ZNF391: variants seen among roughly 807,000 people sequenced by gnomAD.
ZNF391 encodes the protein zinc finger protein 391.
For synonymous variants in ZNF391, 126 were observed against 142.1 expected (o/e 0.89, Z 0.80); for missense variants, 375 against 425.5 (o/e 0.88, Z 1.04).
At chr6:27,380,092 T>TA (rs1258797682) in intron 1 of ZNF391, among the ~76,000 whole-genome samples, 14 of 152,198 alleles carry the variant, frequency 9.2e-5, no homozygotes, top group African/African-American at 2.9e-4. Context: ...GCCCAGGAGT[T>TA]AAAGACCAGT....
At chr6:27,395,508 G>A (rs1761805741) in intron 1 of ZNF391, among the ~76,000 whole-genome samples, 1 of 152,142 alleles carries the variant, frequency 6.6e-6, no homozygotes, top group Admixed American at 6.5e-5. Context: ...AGAACCGTGA[G>A]CGAATTAAAC....
At chr6:27,384,608 T>C (rs1425506348), upstream of ZNF391, among the ~76,000 whole-genome samples, 4 of 152,214 alleles carry the variant, frequency 2.6e-5, no homozygotes, top group African/African-American at 9.7e-5. Context: ...AACAATAATG[T>C]ATTTACTCAA....
chr6:27,397,057 A>G (rs907418046), intron 1 of ZNF391, among the ~76,000 whole-genome samples: 2 of 152,214 alleles, frequency 1.3e-5, no homozygotes, highest in African/African-American at 4.8e-5. Context: ...ACAATAAAAT[A>G]ATGTGTTAGG....
chr6:27,386,614 A>G (rs567151423), upstream of ZNF391, among the ~76,000 whole-genome samples: 1 of 152,172 alleles, frequency 6.6e-6, no homozygotes, highest in Non-Finnish European at 1.5e-5. Flanking sequence ...TATACGGTTG[A>G]TTGATTGATT....
chr6:27,401,043 G>T lies in ZNF391; in HGVS notation c.673G>T (p.Glu225Ter). Residue 225 changes from glutamate to a stop codon, truncating the protein, a stop_gained, in exon 3 of 3, where the codon GAA becomes TAA. Coordinates refer to ENST00000244576, the MANE Select transcript of ZNF391 (RefSeq NM_001076781.3). LOFTEE classifies it low-confidence loss of function (END_TRUNC). ...TCAAGAAAGGCCTTACAAATGTAAT[G>T]AATGTGGGAAAGCCTTCGGTGACCG... ...HTQERPYKCN[E>*]CGKAFGDRST... The T allele has an allele frequency of 6.2e-7, 1 of 1,614,176 alleles. No homozygotes were observed. The highest frequency in any genetic ancestry group is 8.5e-7 in the Non-Finnish European group (1 of 1,180,030).
chr6:27,378,309 G>C (rs112328672), intron 1 of ZNF391, among the ~76,000 whole-genome samples: 1,791 of 152,274 alleles, frequency 0.012, 10 homozygotes, highest in Non-Finnish European at 0.019. Flanking sequence ...GAGCAATAAA[G>C]CTTTTTAAAT....
chr6:27,382,602 A>T (rs1883404), intron 1 of ZNF391, among the ~76,000 whole-genome samples: 108,461 of 152,036 alleles, frequency 0.71, 38,868 homozygotes, highest in Middle Eastern at 0.8. Flanking sequence ...GATGATTAAG[A>T]TGATTAAGAT....
Position 27,376,085 on chromosome 6 carries a change from T to A in ZNF391, n.523+948T>A, listed in dbSNP as rs1025723726. Reference sequence around the variant, plus strand: ...CCTGAAGTGTGAAACAGTTGTATGTTTCCTGCCTCCAGGCCCTATTTTCCT... The same window carrying A: ...CCTGAAGTGTGAAACAGTTGTATGTATCCTGCCTCCAGGCCCTATTTTCCT... On this transcript the variant is annotated intron_variant and non_coding_transcript_variant, in intron 1 of 2. Coordinates refer to the ZNF391 transcript ENST00000477999. This position sits in a 1 kb window ranked among gnomAD's most constrained non-coding sequence, Gnocchi z 4.7. 1.3e-5 allele frequency among the ~76,000 whole-genome samples: 2 copies of A among 152,210 alleles called. No homozygotes were observed. Among genetic ancestry groups the A allele is most frequent in the African/African-American group, 4.8e-5 (2 of 41,446 alleles).
chr6:27,386,752 C>A (rs1434417674), upstream of ZNF391, among the ~76,000 whole-genome samples: 2 of 152,006 alleles, frequency 1.3e-5, no homozygotes, highest in Admixed American at 6.6e-5. Flanking sequence ...AAAATTAACC[C>A]AAAATGGATC....
chr6:27,394,144 A>G (rs1211245802), intron 1 of ZNF391, among the ~76,000 whole-genome samples: 2 of 152,244 alleles, frequency 1.3e-5, no homozygotes, highest in Admixed American at 1.3e-4. Context: ...AGAGAGTTGC[A>G]TAACTAAAAA....
Position 27,402,021 on chromosome 6 carries a change from A to T in ZNF391, c.*574A>T, listed in dbSNP as rs1318298266. On this transcript the variant is annotated 3_prime_UTR_variant, in exon 3 of 3. Transcript: ENST00000244576. ...GTGTTGAGGCAAATTCATTCTCTTG[A>T]CTTGCAAAAACAGATTTTTCTCATC... is the stretch of plus-strand genomic sequence containing the variant. 2 of 152,180 alleles carry T rather than the reference A, an allele frequency of 1.3e-5. No individual in the cohort carries two copies. Among genetic ancestry groups the T allele is most frequent in the African/African-American group, 4.8e-5 (2 of 41,446 alleles). 9.4% of individuals were successfully genotyped at this position (152,180 alleles called of 1,614,324 possible). A position where few individuals can be genotyped will look rare whatever the true frequency, so the allele number is the denominator to read the frequency against.
rs776877729 is a variant in ZNF391, at chr6:27,401,331, A to C, written c.961A>C (p.Ile321Leu). The change falls in exon 3 of 3, where the codon ATT becomes CTT. Residue 321 changes from isoleucine to leucine, a missense_variant. Transcript: ENST00000244576. Reference protein sequence around the residue: ...GKGFSRSSSLIIHQRTHTGEK... With the variant: ...GKGFSRSSSLLIHQRTHTGEK... ...GGGCTTCAGTCGAAGCTCATCCCTT[A>C]TTATTCATCAGAGAACTCATACCGG... is the stretch of plus-strand genomic sequence containing the variant. The C allele has an allele frequency of 6.2e-7, 1 of 1,613,998 alleles. No individual in the cohort carries two copies. Among genetic ancestry groups the C allele is most frequent in the Non-Finnish European group, 8.5e-7 (1 of 1,180,016 alleles).
In ZNF391 at chr6:27,403,108, C is replaced by T. The variant is rs1342536614; in HGVS notation, c.*1661C>T. 6.6e-6 allele frequency: 1 copy of T among 151,892 alleles called. No individual in the cohort carries two copies. Among genetic ancestry groups the T allele is most frequent in the East Asian group, 1.9e-4 (1 of 5,184 alleles). 9.4% of individuals were successfully genotyped at this position (151,892 alleles called of 1,614,324 possible). A position where few individuals can be genotyped will look rare whatever the true frequency, so the allele number is the denominator to read the frequency against. On this transcript the variant is annotated 3_prime_UTR_variant, in exon 3 of 3. Transcript: ENST00000244576. ...TACTAAATTGATCACTGTTGACTCA[C>T]TACCATTATCTAGCTCCTTACTAAA...
In ZNF391 at chr6:27,400,822, A is replaced by G; in HGVS notation, c.452A>G (p.His151Arg). 6.2e-7 allele frequency: 1 copy of G among 1,614,202 alleles called. No homozygotes were observed. Among genetic ancestry groups the G allele is most frequent in the South Asian group, 1.1e-5 (1 of 91,086 alleles). Reference protein sequence around the residue: ...KCGKSFSRSTHLIEHQRTHTG... With the variant: ...KCGKSFSRSTRLIEHQRTHTG... ...GGGAAATCTTTCAGCCGAAGTACAC[A>G]CCTTATTGAACATCAAAGAACTCAC... is the stretch of plus-strand genomic sequence containing the variant. Residue 151 changes from histidine to arginine, a missense_variant, in exon 3 of 3, where the codon CAC (histidine) becomes CGC (arginine). His to Arg is a conservative substitution (Grantham distance 29). Coordinates refer to ENST00000244576, the MANE Select transcript of ZNF391 (RefSeq NM_001076781.3).
upstream of ZNF391, among the ~76,000 whole-genome samples, chr6:27,384,338 C>T (rs1761550950): frequency 6.6e-6 from 1 of 151,668 alleles, no homozygotes; most frequent in African/African-American, 2.4e-5. Context: ...GTGGTACATG[C>T]CTGTAATCCC....
At chr6:27,378,961 T>C (rs1288708266) in intron 1 of ZNF391, among the ~76,000 whole-genome samples, 1 of 152,038 alleles carries the variant, frequency 6.6e-6, no homozygotes, top group South Asian at 2.1e-4. Context: ...TTCCTCTCTC[T>C]ATATTCATAT....
rs887494919 is a variant in ZNF391 at position 27,400,352 on chromosome 6, A to G, written c.-19A>G. The G allele has an allele frequency of 7.7e-6, 12 of 1,566,284 alleles. No individual in the cohort carries two copies. The highest frequency in any genetic ancestry group is 8.6e-6 in the Non-Finnish European group (10 of 1,158,248). The stretch of plus-strand genomic sequence containing the variant: ...CCAATCAGACTGTTTCCGAAGAACT[A>G]GAGTTTTCTGGGTCAGCAATGGAAA... On this transcript the variant is annotated 5_prime_UTR_variant, in exon 3 of 3. Coordinates refer to ENST00000244576, the MANE Select transcript of ZNF391 (RefSeq NM_001076781.3).
intron 1 of ZNF391, chr6:27,395,046 A>G (rs1197593762): frequency 6.6e-6 from 1 of 152,158 alleles, no homozygotes; most frequent in Non-Finnish European, 1.5e-5. Context: ...TCATCTCCAG[A>G]TGAGACTTTG....
intron 1 of ZNF391, among the ~76,000 whole-genome samples, chr6:27,398,897 T>C (rs1446354890): frequency 6.6e-6 from 1 of 152,112 alleles, no homozygotes; most frequent in Non-Finnish European, 1.5e-5. Context: ...CTGGGAAAGC[T>C]AGCTGTCTAG....
Sources: allele counts gnomAD v4.1 joint callset (sites outside exome capture counted in the v4.1 genomes callset), GRCh38; gene constraint gnomAD v4.1.1; non-coding constraint Gnocchi (gnomAD v3.1); transcripts MANE v1.5; gene names NCBI Gene and HGNC (gene_info 2026-07-23, HGNC 2026-07-21).